GALNT7: variants seen among roughly 807,000 people sequenced by gnomAD.
GALNT7 encodes polypeptide N-acetylgalactosaminyltransferase 7, also known as N-acetylgalactosaminyltransferase 7.
In GALNT7, 60 loss-of-function variants were observed where a neutral mutation model predicts 82.1. That is an observed-to-expected ratio of 0.73 (90% CI 0.59 to 0.91). The LOEUF (loss-of-function observed/expected upper bound fraction) is 0.91. Ranked by LOEUF, GALNT7 falls within the 40% of genes least tolerant of loss-of-function variation. The pLI, the probability that GALNT7 is intolerant of heterozygous loss-of-function variation, is 0.00. For synonymous variants in GALNT7, 243 were observed against 275.1 expected, an observed-to-expected ratio of 0.88 and a Z score of 1.15; for missense variants, 660 against 804.2, an observed-to-expected ratio of 0.82 and a Z score of 2.17.
At chr4:173,278,130 A>C (rs991626213) in intron 2 of GALNT7, among the ~76,000 whole-genome samples, 1 of 152,220 alleles carries the variant, frequency 6.6e-6, no homozygotes, top group Non-Finnish European at 1.5e-5. Context: ...CATATTTAAA[A>C]AGTAGCCATC....
chr4:173,292,298 T>C lies in GALNT7; in HGVS notation c.754+24T>C. The C allele has an allele frequency of 7.0e-7, 1 of 1,427,880 alleles. No homozygotes were observed. Among genetic ancestry groups the C allele is most frequent in the Non-Finnish European group, 9.6e-7 (1 of 1,045,896 alleles). The allele number at this position is 1,427,880 out of a possible 1,614,324, so 88.5% of individuals were successfully genotyped here. A position where few individuals can be genotyped will look rare whatever the true frequency, so the allele number is the denominator to read the frequency against. On this transcript the variant is annotated intron_variant, in intron 3 of 11. Coordinates refer to ENST00000265000, the MANE Select transcript of GALNT7 (RefSeq NM_017423.3). The surrounding 1 kb of genome is among the most constrained non-coding windows in gnomAD (Gnocchi z 4.8). The stretch of plus-strand genomic sequence containing the variant: ...AGGTAATGGCTGTGAAACTCACATT[T>C]TGTCTATAAAATAAGTTAAGCATGA...
At chr4:173,312,125 G>C (rs912265596) in intron 8 of GALNT7, among the ~76,000 whole-genome samples, 4 of 152,162 alleles carry the variant, frequency 2.6e-5, no homozygotes, top group African/African-American at 9.7e-5. Flanking sequence ...AAAAGCCCAA[G>C]ATACTTACTA....
chr4:173,170,062 C>T (rs999597500), intron 1 of GALNT7, among the ~76,000 whole-genome samples: 7 of 152,126 alleles, frequency 4.6e-5, no homozygotes, highest in Admixed American at 2.0e-4. Flanking sequence ...GAAGGGACCG[C>T]GGGCACTGCG....
chr4:173,317,624 A>G lies in GALNT7; in HGVS notation c.1609-10A>G, dbSNP rs1737652338. Reference sequence around the variant, plus strand: ...TTGCCTGCTTTTTGCGTCTTTATTCATTTTTTTAGATCAGAGGCTTCGAAA... The same window carrying G: ...TTGCCTGCTTTTTGCGTCTTTATTCGTTTTTTTAGATCAGAGGCTTCGAAA... On this transcript the variant is annotated splice_polypyrimidine_tract_variant and intron_variant, in intron 9 of 11. Coordinates refer to ENST00000265000, the MANE Select transcript of GALNT7 (RefSeq NM_017423.3). 6.4e-7 allele frequency: 1 copy of G among 1,566,038 alleles called. No individual in the cohort carries two copies.
intron 1 of GALNT7, among the ~76,000 whole-genome samples, chr4:173,230,179 G>A (rs1001052403): frequency 2.8e-4 from 42 of 152,148 alleles, no homozygotes; most frequent in African/African-American, 9.7e-4. Context: ...ATTTGCCAGA[G>A]CTTCACCTTT....
rs576099405 is a variant in GALNT7, at chr4:173,298,377, G to A, written c.1148+80G>A. 21 of 921,910 alleles carry A rather than the reference G, an allele frequency of 2.3e-5. No individual in the cohort carries two copies. In the East Asian group the frequency reaches 2.3e-4, roughly 10 times the overall value. The allele number at this position is 921,910 out of a possible 1,614,324, so 57.1% of individuals were successfully genotyped here. A position where few individuals can be genotyped will look rare whatever the true frequency, so the allele number is the denominator to read the frequency against. On this transcript the variant is annotated intron_variant, in intron 6 of 11. Coordinates refer to ENST00000265000, the MANE Select transcript of GALNT7 (RefSeq NM_017423.3). ...TAACCTCTTGCCAAGCTAAAGATTC[G>A]TTATTAAAACTGTAGATGTTGTCTC...
Position 173,248,065 on chromosome 4 carries a change from C to T in GALNT7, c.212C>T (p.Pro71Leu). 1 of 1,613,596 alleles carries T rather than the reference C, an allele frequency of 6.2e-7. No individual in the cohort carries two copies. Among genetic ancestry groups the T allele is most frequent in the Non-Finnish European group, 8.5e-7 (1 of 1,179,626 alleles). The change falls in exon 2 of 12, where the codon CCA becomes CTA. Residue 71 changes from proline to leucine, a missense_variant. Pro to Leu is a moderately conservative substitution (Grantham distance 98). This residue lies in a region of GALNT7 where 133 missense variants were observed against 120.7 expected (regional missense o/e 1.10). Transcript: ENST00000265000. ...PGEDRFKPVV[P>L]WPHVEGVEVD... is the part of the protein sequence containing the mutation. The stretch of plus-strand genomic sequence containing the variant: ...GAGGACAGATTCAAACCTGTGGTAC[C>T]ATGGCCTCATGTTGAAGGAGTAGAA...
At chr4:173,304,241 C>A (rs1437339182) in intron 8 of GALNT7, 123 bp downstream of exon 8, 2 of 705,640 alleles carry the variant, frequency 2.8e-6, no homozygotes, top group East Asian at 2.9e-5. Flanking sequence ...TGATTCTCAC[C>A]TTTAACTTAG....
At chr4:173,301,634 A>G (rs536192055) in intron 6 of GALNT7, among the ~76,000 whole-genome samples, 2 of 152,326 alleles carry the variant, frequency 1.3e-5, no homozygotes, top group African/African-American at 4.8e-5. Context: ...TCCATGGTGT[A>G]TGGTTTTGTT....
intron 1 of GALNT7, among the ~76,000 whole-genome samples, chr4:173,212,735 A>G (rs200911189): frequency 1.5e-4 from 3 of 19,462 alleles, no homozygotes; most frequent in Non-Finnish European, 8.2e-4. Context: ...ATTTTGACAC[A>G]TGTCTATTGG....
intron 1 of GALNT7, among the ~76,000 whole-genome samples, chr4:173,229,348 G>A (rs1167503883): frequency 6.6e-6 from 1 of 152,086 alleles, no homozygotes; most frequent in Admixed American, 6.6e-5. Flanking sequence ...GAAAATAAAG[G>A]AAATTTTTAT....
intron 8 of GALNT7, among the ~76,000 whole-genome samples, chr4:173,311,970 A>G (rs540294919): frequency 3.5e-4 from 54 of 152,362 alleles, no homozygotes; most frequent in Non-Finnish European, 6.6e-4. Context: ...GGTCGGCCAC[A>G]TGGCTGACAG....
chr4:173,267,715 G>A (rs1338323964), intron 2 of GALNT7, among the ~76,000 whole-genome samples: 2 of 152,314 alleles, frequency 1.3e-5, no homozygotes, highest in South Asian at 2.1e-4. Flanking sequence ...AAAGAGTGAT[G>A]AGCATGATAT....
intron 10 of GALNT7, 138 bp from the exon 11 acceptor site, chr4:173,318,292 GA>G (rs1737676455): frequency 9.8e-6 from 6 of 612,048 alleles, no homozygotes; most frequent in Non-Finnish European, 1.7e-5. Flanking sequence ...TTTGTCTGTG[GA>G]CTTACAGTTC....
chr4:173,296,200 C>G (rs1339292096), intron 5 of GALNT7, among the ~76,000 whole-genome samples: 1 of 152,154 alleles, frequency 6.6e-6, no homozygotes, highest in African/African-American at 2.4e-5. Context: ...GATATTATAC[C>G]TGTTGATTTT....
intron 5 of GALNT7, 115 bp from the exon 6 acceptor site, chr4:173,298,000 C>T: frequency 2.0e-6 from 3 of 1,515,796 alleles, no homozygotes; most frequent in Middle Eastern, 1.8e-4. Flanking sequence ...ACTTTATTTT[C>T]TTATGTTGAA....
At chr4:173,216,884 C>T (rs1214423088) in intron 1 of GALNT7, among the ~76,000 whole-genome samples, 1 of 150,716 alleles carries the variant, frequency 6.6e-6, no homozygotes, top group East Asian at 1.9e-4. Context: ...GTACCTGCCA[C>T]CACGCCTGGC....
intron 2 of GALNT7, among the ~76,000 whole-genome samples, chr4:173,278,679 A>G (rs1736000788): frequency 6.6e-6 from 1 of 152,236 alleles, no homozygotes. Flanking sequence ...ATTGTGAGAT[A>G]GCAATATGAT....
chr4:173,198,774 G>A (rs1350063825), intron 1 of GALNT7, among the ~76,000 whole-genome samples: 1 of 152,098 alleles, frequency 6.6e-6, no homozygotes, highest in Non-Finnish European at 1.5e-5. Flanking sequence ...CGAGGACTGG[G>A]GGAGGGAGAG....
Sources: gnomAD v4.1 joint callset for allele counts (sites outside exome capture counted in the v4.1 genomes callset) on GRCh38, gnomAD v4.1.1 for gene constraint, gnomAD v4.1.1 regional missense constraint, Gnocchi (gnomAD v3.1) non-coding constraint, MANE v1.5 for transcripts, NCBI Gene and HGNC (gene_info 2026-07-23, HGNC 2026-07-21) for gene names.